Variants in WASF3 observed in about 807,000 individuals in gnomAD.
The protein encoded by WASF3 is actin-binding protein WASF3.
Under a neutral mutation model 46.6 loss-of-function variants are expected in WASF3, and 11 were observed. That is an observed-to-expected ratio of 0.24 (90% CI 0.15 to 0.39). The LOEUF is 0.39. Among genes scored for constraint, WASF3 ranks in the 10% least tolerant of loss-of-function variants. The probability of loss-of-function intolerance (pLI) is 1.00; values close to 1 mark genes in which losing one functional copy is unlikely to be tolerated. For missense variants in WASF3, 576 were observed against 669.8 expected, an observed-to-expected ratio of 0.86 and a Z score of 1.55; for synonymous variants, 242 against 259.7, an observed-to-expected ratio of 0.93 and a Z score of 0.65.
intron 1 of WASF3, among the ~76,000 whole-genome samples, chr13:26,573,619 G>A (rs1879703702): frequency 6.6e-6 from 1 of 152,038 alleles, no homozygotes; most frequent in Non-Finnish European, 1.5e-5. Flanking sequence ...AAATTTTTAG[G>A]TGGAAAGGCT....
chr13:26,663,207 A>C (rs1882681529), intron 3 of WASF3, among the ~76,000 whole-genome samples: 1 of 152,158 alleles, frequency 6.6e-6, no homozygotes, highest in South Asian at 2.1e-4. Flanking sequence ...ATGGGGATGC[A>C]GGTTTGAGGT....
At chr13:26,580,454 C>G (rs1879943005) in intron 1 of WASF3, among the ~76,000 whole-genome samples, 1 of 152,118 alleles carries the variant, frequency 6.6e-6, no homozygotes, top group Admixed American at 6.5e-5. Flanking sequence ...ACTCGACAAG[C>G]ATTAGATTAA....
At chr13:26,676,806 C>G in intron 7 of WASF3, 82 bp downstream of exon 7, 1 of 1,391,190 alleles carries the variant, frequency 7.2e-7, no homozygotes. Context: ...TGAAATGCAT[C>G]AATAGCTTCG....
chr13:26,628,068 G>C (rs1881527656), intron 2 of WASF3, among the ~76,000 whole-genome samples: 1 of 68,966 alleles, frequency 1.4e-5, no homozygotes, highest in Non-Finnish European at 2.8e-5. Flanking sequence ...ATGTGTTTCA[G>C]GCCAACCTGA....
At chr13:26,629,930 T>G (rs1369614597) in intron 2 of WASF3, among the ~76,000 whole-genome samples, 1 of 152,170 alleles carries the variant, frequency 6.6e-6, no homozygotes, top group East Asian at 1.9e-4. Flanking sequence ...TTGCCTTTGA[T>G]TCTCCTGCTG....
the WASF3 span, among the ~76,000 whole-genome samples, chr13:26,552,024 A>T: frequency 1.3e-5 from 2 of 152,156 alleles, no homozygotes; most frequent in African/African-American, 4.8e-5. Context: ...AGAGGCAGGG[A>T]TAGATTTGAG....
At position 26,681,174 on chromosome 13, in the gene WASF3, C is replaced by G. The variant is rs750747440; in HGVS notation, c.837C>G (p.Ser279Arg). The change falls in exon 8 of 10, where the codon AGC (serine) becomes AGG (arginine). Residue 279 changes from serine (S) to arginine (R), a missense_variant. By Grantham distance (110) the Ser-to-Arg change is moderately radical (BLOSUM62 -1). Around this residue, in one of 3 missense-constraint regions of WASF3, gnomAD observed 295 missense variants for 291.5 expected, o/e 1.01. Transcript: ENST00000335327. ...ACGTGCCACCACACGGGCCTGCAAG[C>G]CAGGCTGCGGAGCATGAGTACCGGC... is the stretch of plus-strand genomic sequence containing the variant. ...AGDVPPHGPA[S>R]QAAEHEYRPP... 3.7e-6 allele frequency: 6 copies of G among 1,614,168 alleles called. No individual in the cohort carries two copies. In the Admixed American group the frequency reaches 6.7e-5, roughly 18 times the overall value.
the WASF3 span, among the ~76,000 whole-genome samples, chr13:26,546,977 AAG>A: frequency 1.3e-5 from 2 of 152,172 alleles, no homozygotes; most frequent in Non-Finnish European, 2.9e-5. Flanking sequence ...ACCATGTCTG[AAG>A]CCTCCTATCT....
chr13:26,683,463 G>A (rs1381375187), intron 9 of WASF3, among the ~76,000 whole-genome samples: 4 of 146,060 alleles, frequency 2.7e-5, no homozygotes, highest in East Asian at 2.0e-4. Context: ...GCGACAGAGC[G>A]AGACCCGTCT....
chr13:26,684,385 A>G (rs1473427343), intron 9 of WASF3, among the ~76,000 whole-genome samples: 4 of 152,114 alleles, frequency 2.6e-5, no homozygotes, highest in African/African-American at 9.7e-5. Context: ...ATTCTGCAAA[A>G]TAGCTTCCTA....
At chr13:26,670,613 T>C (rs1202911892) in intron 5 of WASF3, among the ~76,000 whole-genome samples, 2 of 152,258 alleles carry the variant, frequency 1.3e-5, no homozygotes, top group East Asian at 1.9e-4. Flanking sequence ...GTACCTCTTA[T>C]ATGTCTTAAA....
Position 26,671,991 on chromosome 13 carries a change from T to G in WASF3, c.540+2T>G. ...AGGAAAGAGAAAAGGCGTCAAAAGG[T>G]AAATAATTTCAGTATGGGAAATGTG... is the stretch of plus-strand genomic sequence containing the variant. On this transcript the variant is annotated splice_donor_variant, in intron 6 of 9. Transcript: ENST00000335327. LOFTEE classifies it high-confidence loss of function. 1 of 1,589,016 alleles carries G rather than the reference T, an allele frequency of 6.3e-7. No individual in the cohort carries two copies. Among genetic ancestry groups the G allele is most frequent in the East Asian group, 2.2e-5 (1 of 44,610 alleles).
At chr13:26,561,329 G>A (rs1422777972) in intron 1 of WASF3, among the ~76,000 whole-genome samples, 1 of 152,124 alleles carries the variant, frequency 6.6e-6, no homozygotes, top group Non-Finnish European at 1.5e-5. Context: ...TTGGCCGTGT[G>A]TGTGTATGTG....
At chr13:26,621,320 C>T (rs1167531040) in intron 2 of WASF3, among the ~76,000 whole-genome samples, 1 of 152,204 alleles carries the variant, frequency 6.6e-6, no homozygotes, top group Admixed American at 6.5e-5. Context: ...CATGAAAACA[C>T]ACTGAATGTT....
In WASF3 at chr13:26,647,288, G is replaced by A. The variant is rs188336755; in HGVS notation, c.133+4885G>A. On this transcript the variant is annotated intron_variant, in intron 3 of 9. Transcript: ENST00000335327. Reference sequence around the variant, plus strand: ...AATTTTCAGATTTTTTTCTTTGAGTGTTACTTCTGATACAGTACAGTGTGA... The same window carrying A: ...AATTTTCAGATTTTTTTCTTTGAGTATTACTTCTGATACAGTACAGTGTGA... 1.8e-3 allele frequency among the ~76,000 whole-genome samples: 273 copies of A among 152,228 alleles called. 3 individuals are homozygous for A. The highest frequency in any genetic ancestry group is 6.3e-3 in the African/African-American group (263 of 41,522).
chr13:26,586,070 A>C (rs998838203), intron 1 of WASF3, among the ~76,000 whole-genome samples: 2 of 152,172 alleles, frequency 1.3e-5, no homozygotes, highest in African/African-American at 4.8e-5. Flanking sequence ...GGATAGAATT[A>C]TGATGCCCCA....
intron 1 of WASF3, among the ~76,000 whole-genome samples, chr13:26,599,881 G>T (rs1426749632): frequency 6.6e-6 from 1 of 152,174 alleles, no homozygotes; most frequent in Non-Finnish European, 1.5e-5. Context: ...GATTCATTGA[G>T]GCAAAGTGGA....
chr13:26,648,448 A>C (rs1445852476), intron 3 of WASF3, among the ~76,000 whole-genome samples: 2 of 152,328 alleles, frequency 1.3e-5, no homozygotes, highest in South Asian at 4.1e-4. Context: ...GAGGTGTGTT[A>C]ATTGACATAA....
intron 7 of WASF3, among the ~76,000 whole-genome samples, chr13:26,677,059 C>T (rs936869153): frequency 6.6e-6 from 1 of 152,112 alleles, no homozygotes; most frequent in Admixed American, 6.5e-5. Flanking sequence ...AATTCTTTCT[C>T]TTAGCATGGA....
Sources: allele counts gnomAD v4.1 joint callset (sites outside exome capture counted in the v4.1 genomes callset), GRCh38; gene constraint gnomAD v4.1.1; regional missense constraint gnomAD v4.1.1; transcripts MANE v1.5; gene names NCBI Gene and HGNC (gene_info 2026-07-23, HGNC 2026-07-21).